Variants in TRIM33 observed in about 807,000 individuals in gnomAD.
TRIM33 encodes the protein E3 ubiquitin-protein ligase TRIM33.
TRIM33 carries 20 observed loss-of-function variants against 125.4 expected under a neutral mutation model. That is an observed-to-expected ratio of 0.16 (90% CI 0.11 to 0.23). The LOEUF is 0.23. Among genes scored for constraint, TRIM33 ranks in the 10% least tolerant of loss-of-function variants. The pLI, the probability that TRIM33 is intolerant of heterozygous loss-of-function variation, is 1.00. For missense variants in TRIM33, 920 were observed against 1,411.4 expected, an observed-to-expected ratio of 0.65 and a Z score of 5.58; for synonymous variants, 564 against 513.9, an observed-to-expected ratio of 1.10 and a Z score of -1.32.
In TRIM33 at chr1:114,421,503, A is replaced by G; in HGVS notation, c.1994T>C (p.Ile665Thr). Residue 665 changes from isoleucine (I) to threonine (T), a missense_variant, in exon 11 of 20, where the codon ATA becomes ACA. Transcript: ENST00000358465. ...RGPTSPSVTAIELIPSVTNPE... is the reference protein window; with the variant it reads ...RGPTSPSVTATELIPSVTNPE... ...ATTGGTAACTGAGGGGATTAGCTCT[A>G]TTGCTGTAACAGATGGGCTGGTGGG... 1.2e-6 allele frequency: 2 copies of G among 1,614,084 alleles called. No individual in the cohort carries two copies. The highest frequency in any genetic ancestry group is 1.7e-6 in the Non-Finnish European group (2 of 1,180,010).
chr1:114,438,024 T>A (rs942313018), intron 4 of TRIM33, among the ~76,000 whole-genome samples: 3 of 152,138 alleles, frequency 2.0e-5, no homozygotes, highest in Non-Finnish European at 2.9e-5. Context: ...CAGGACCACT[T>A]GAGCCCAGGT....
intron 4 of TRIM33, among the ~76,000 whole-genome samples, chr1:114,462,097 A>G (rs182712771): frequency 3.3e-4 from 51 of 152,318 alleles, no homozygotes; most frequent in Non-Finnish European, 6.3e-4. Context: ...GACTTTGTAC[A>G]GATTACTACA....
chr1:114,510,454 T>TC, intron 1 of TRIM33, 97 bp downstream of exon 1: 1 of 1,212,452 alleles, frequency 8.2e-7, no homozygotes, highest in Non-Finnish European at 1.1e-6. Flanking sequence ...ATGGCGCCCG[T>TC]CCGAGCAGCC....
At chr1:114,424,851 A>C in intron 9 of TRIM33, 96 bp from the exon 10 acceptor site, 1 of 887,568 alleles carries the variant, frequency 1.1e-6, no homozygotes, top group Non-Finnish European at 1.6e-6. Flanking sequence ...GTCAAGATAA[A>C]AGGGTATAAA....
chr1:114,473,320 C>A (rs1330803713), intron 1 of TRIM33, among the ~76,000 whole-genome samples: 1 of 151,550 alleles, frequency 6.6e-6, no homozygotes, highest in East Asian at 1.9e-4. Context: ...TAGAAGGATG[C>A]GCCCTCACAG....
At chr1:114,485,209 T>G (rs1166440281) in intron 1 of TRIM33, among the ~76,000 whole-genome samples, 1 of 152,084 alleles carries the variant, frequency 6.6e-6, no homozygotes, top group Non-Finnish European at 1.5e-5. Flanking sequence ...TGTAAAATGT[T>G]AGGACCAAAA....
chr1:114,425,421 A>G, intron 9 of TRIM33, 28 bp downstream of exon 9: 1 of 1,606,662 alleles, frequency 6.2e-7, no homozygotes, highest in South Asian at 1.1e-5. Flanking sequence ...CATAATTTCT[A>G]TCAATAATGT....
intron 1 of TRIM33, among the ~76,000 whole-genome samples, chr1:114,507,363 T>C (rs1377192927): frequency 2.6e-5 from 4 of 152,192 alleles, no homozygotes; most frequent in South Asian, 2.1e-4. Flanking sequence ...CTGAGAACTG[T>C]TGATCTAGAA....
intron 1 of TRIM33, among the ~76,000 whole-genome samples, chr1:114,467,286 T>C (rs1650360943): frequency 6.6e-6 from 1 of 152,196 alleles, no homozygotes; most frequent in Admixed American, 6.5e-5. Flanking sequence ...TTAGAAATTC[T>C]AGATGATTCC....
chr1:114,487,917 A>AG (rs969040078), intron 1 of TRIM33, among the ~76,000 whole-genome samples: 2 of 150,594 alleles, frequency 1.3e-5, no homozygotes, highest in African/African-American at 4.8e-5. Context: ...AAAAAAAAAA[A>AG]AAAAAAAAAA....
chr1:114,490,380 A>C (rs1239738005), intron 1 of TRIM33, among the ~76,000 whole-genome samples: 1 of 152,222 alleles, frequency 6.6e-6, no homozygotes, highest in South Asian at 2.1e-4. Flanking sequence ...ACAATAAAAA[A>C]GATAACAATT....
At position 114,464,361 on chromosome 1, in the gene TRIM33, C is replaced by T. The variant is rs200001914; in HGVS notation, c.554G>A (p.Arg185His). ...QVGVIRCPVC[R>H]QECRQIDLVD... ...AAGGTCTATCTGTCTGCATTCTTGG[C>T]GGCATACTGGGCACCGTATTACACC... The change falls in exon 2 of 20, where the codon CGC (arginine) becomes CAC (histidine). Residue 185 changes from arginine to histidine, a missense_variant. Around this residue, in one of 8 missense-constraint regions of TRIM33, gnomAD observed 75 missense variants for 123.9 expected, o/e 0.61. Transcript: ENST00000358465. 10 of 1,607,192 alleles carry T rather than the reference C, an allele frequency of 6.2e-6. No individual in the cohort carries two copies. The highest frequency in any genetic ancestry group is 3.4e-6 in the Non-Finnish European group (4 of 1,176,622).
intron 4 of TRIM33, among the ~76,000 whole-genome samples, chr1:114,456,161 G>A (rs1244676222): frequency 6.6e-6 from 1 of 152,160 alleles, no homozygotes; most frequent in East Asian, 1.9e-4. Context: ...CAGTATGTTT[G>A]ACTGAAAAGT....
At chr1:114,442,410 T>G (rs1648706284) in intron 4 of TRIM33, among the ~76,000 whole-genome samples, 1 of 152,076 alleles carries the variant, frequency 6.6e-6, no homozygotes, top group Non-Finnish European at 1.5e-5. Context: ...ATTTTTAGGG[T>G]CGGGCATGGT....
chr1:114,424,809 C>CTT (rs138642894), intron 9 of TRIM33, 54 bp from the exon 10 acceptor site: 34,029 of 1,164,952 alleles, frequency 0.029, 645 homozygotes, highest in Non-Finnish European at 0.031. Flanking sequence ...AAATTTATCT[C>CTT]AATTATAAAA....
chr1:114,504,662 A>G (rs979370719), intron 1 of TRIM33, among the ~76,000 whole-genome samples: 33 of 152,350 alleles, frequency 2.2e-4, no homozygotes, highest in African/African-American at 7.7e-4. Flanking sequence ...CACTGCTTTA[A>G]GGTATTCTCA....
In TRIM33 at chr1:114,393,549, A is replaced by G. The variant is rs1265157241; in HGVS notation, c.*4099T>C. The G allele has an allele frequency of 4.9e-6, 1 of 202,552 alleles. No homozygotes were observed. Among genetic ancestry groups the G allele is most frequent in the African/African-American group, 2.3e-5 (1 of 43,664 alleles). 12.5% of individuals were successfully genotyped at this position (202,552 alleles called of 1,614,324 possible). On this transcript the variant is annotated 3_prime_UTR_variant, in exon 20 of 20. Transcript: ENST00000358465. ...ATGACAAATATATCCAAATTAACTT[A>G]TTTTTGAAGATAGTTTTGTTTCTTC...
At chr1:114,438,925 A>C (rs1462747729) in intron 4 of TRIM33, among the ~76,000 whole-genome samples, 1 of 152,256 alleles carries the variant, frequency 6.6e-6, no homozygotes. Flanking sequence ...AACAACCATA[A>C]GAGTTCAGGA....
intron 11 of TRIM33, among the ~76,000 whole-genome samples, chr1:114,414,164 T>C (rs1439102725): frequency 1.3e-5 from 2 of 151,984 alleles, no homozygotes; most frequent in Non-Finnish European, 2.9e-5. Context: ...GGTGAAAGAA[T>C]GGGGTAGACA....
Sources: gnomAD v4.1 joint callset for allele counts (sites outside exome capture counted in the v4.1 genomes callset) on GRCh38, gnomAD v4.1.1 for gene constraint, gnomAD v4.1.1 regional missense constraint, MANE v1.5 for transcripts, NCBI Gene and HGNC (gene_info 2026-07-23, HGNC 2026-07-21) for gene names.